The following FRMD3 variants were observed in gnomAD, a reference collection of about 807,000 sequenced individuals.
FRMD3 encodes the protein FERM domain-containing protein 3.
A neutral mutation model predicts 70.2 loss-of-function variants in FRMD3; 33 were observed. The ratio of observed to expected loss-of-function variants is 0.47; its 90% CI spans 0.36 to 0.63. The LOEUF is 0.63. Ranked by LOEUF, FRMD3 falls within the 20% of genes least tolerant of loss-of-function variation. The pLI is 0.00. For missense variants in FRMD3, 632 were observed against 711.4 expected, an observed-to-expected ratio of 0.89 and a Z score of 1.27; for synonymous variants, 279 against 255.9, an observed-to-expected ratio of 1.09 and a Z score of -0.86.
chr9:83,511,508 T>C (rs1328630870), intron 1 of FRMD3, among the ~76,000 whole-genome samples: 2 of 152,108 alleles, frequency 1.3e-5, no homozygotes, highest in African/African-American at 2.4e-5. Flanking sequence ...TTGCAAAATA[T>C]GATACCATAA....
At chr9:83,285,097 C>A (rs982681519) in intron 13 of FRMD3, among the ~76,000 whole-genome samples, 1 of 152,196 alleles carries the variant, frequency 6.6e-6, no homozygotes, top group African/African-American at 2.4e-5. Context: ...CACAGACTTT[C>A]TAGAATTTCA....
chr9:83,253,779 G>A (rs990755331), intron 13 of FRMD3, among the ~76,000 whole-genome samples: 20 of 152,222 alleles, frequency 1.3e-4, no homozygotes, highest in African/African-American at 4.8e-4. Context: ...ATACCCAAAG[G>A]ATTATAAATC....
At chr9:83,397,245 T>C (rs1825833368) in intron 1 of FRMD3, among the ~76,000 whole-genome samples, 1 of 152,220 alleles carries the variant, frequency 6.6e-6, no homozygotes, top group South Asian at 2.1e-4. Context: ...CCACCACATT[T>C]CCGCCTTCCC....
intron 1 of FRMD3, among the ~76,000 whole-genome samples, chr9:83,445,352 A>AGAT (rs1416835128): frequency 1.4e-4 from 21 of 148,670 alleles, no homozygotes; most frequent in African/African-American, 5.0e-4. Context: ...ATAGATAGAT[A>AGAT]GATAGATAGA....
At chr9:83,355,066 G>C in intron 3 of FRMD3, among the ~76,000 whole-genome samples, 1 of 152,154 alleles carries the variant, frequency 6.6e-6, no homozygotes. Flanking sequence ...AGCCTTCTCA[G>C]ATGCAACATG....
At chr9:83,315,144 G>A (rs530953015) in intron 6 of FRMD3, among the ~76,000 whole-genome samples, 1 of 152,046 alleles carries the variant, frequency 6.6e-6, no homozygotes, top group East Asian at 1.9e-4. Flanking sequence ...TCATGATCAT[G>A]AATTCCTCTT....
rs71498045 is a variant in FRMD3 at position 83,330,324 on chromosome 9, CA to C, written c.596+5191del. ...GGTTGCGGTGCGCAAAACTCCATCT[CA>C]AAAAAAAAAAAACAAAAAAAACAGA... On this transcript the variant is annotated intron_variant, in intron 6 of 13. Coordinates refer to ENST00000304195, the MANE Select transcript of FRMD3 (RefSeq NM_174938.6). Among the ~76,000 whole-genome samples the C allele has an allele frequency of 3.2e-4, 31 of 98,244 alleles. No homozygotes were observed. The East Asian group carries it at 3.7e-3, about 12-fold the overall frequency. The allele number at this position is 98,244 out of a possible 152,430, so 64.5% of individuals were successfully genotyped here.
chr9:83,328,473 A>G (rs957884809), intron 6 of FRMD3, among the ~76,000 whole-genome samples: 2 of 152,230 alleles, frequency 1.3e-5, no homozygotes, highest in African/African-American at 4.8e-5. Context: ...TTGGACTCCA[A>G]GGATCCCTTA....
intron 13 of FRMD3, among the ~76,000 whole-genome samples, chr9:83,259,433 G>A (rs922266258): frequency 7.2e-5 from 11 of 152,134 alleles, no homozygotes; most frequent in African/African-American, 1.2e-4. Context: ...ACCACCCTGC[G>A]TCTGTTGGGT....
chr9:83,552,391 A>G, the FRMD3 span, among the ~76,000 whole-genome samples: 16 of 152,178 alleles, frequency 1.1e-4, no homozygotes, highest in Admixed American at 3.9e-4. Flanking sequence ...TTTATGTCCA[A>G]TTATGTGGTC....
chr9:83,483,736 T>C (rs1236603174), intron 1 of FRMD3, among the ~76,000 whole-genome samples: 3 of 152,186 alleles, frequency 2.0e-5, no homozygotes, highest in African/African-American at 4.8e-5. Flanking sequence ...GGTATGCACC[T>C]GTAGTCCTAG....
chr9:83,544,754 A>C, the FRMD3 span, among the ~76,000 whole-genome samples: 1 of 152,190 alleles, frequency 6.6e-6, no homozygotes, highest in Non-Finnish European at 1.5e-5. Context: ...TTGAGAAAAC[A>C]ACCATACTAA....
At chr9:83,580,800 T>A in the FRMD3 span, among the ~76,000 whole-genome samples, 1 of 152,192 alleles carries the variant, frequency 6.6e-6, no homozygotes, top group Non-Finnish European at 1.5e-5. Context: ...AGGTGATGGT[T>A]ATGTTAACTA....
At chr9:83,459,009 G>A (rs1313313256) in intron 1 of FRMD3, among the ~76,000 whole-genome samples, 1 of 152,102 alleles carries the variant, frequency 6.6e-6, no homozygotes, top group Admixed American at 6.5e-5. Flanking sequence ...TGTTCATCAA[G>A]TTATTTTATT....
At chr9:83,423,921 G>T (rs759994110) in intron 1 of FRMD3, among the ~76,000 whole-genome samples, 18 of 152,084 alleles carry the variant, frequency 1.2e-4, no homozygotes, top group Non-Finnish European at 2.5e-4. Flanking sequence ...CAAGTTCCCA[G>T]CCACATATGG....
intron 1 of FRMD3, among the ~76,000 whole-genome samples, chr9:83,483,492 C>T (rs1252375247): frequency 6.6e-6 from 1 of 152,208 alleles, no homozygotes; most frequent in African/African-American, 2.4e-5. Flanking sequence ...CAGCTATCTA[C>T]ACCACTGATT....
At chr9:83,507,691 C>CATATATATATATATATATAT (rs34251863) in intron 1 of FRMD3, among the ~76,000 whole-genome samples, 1 of 49,238 alleles carries the variant, frequency 2.0e-5, no homozygotes, top group Non-Finnish European at 3.5e-5. Context: ...AATATACATA[C>CATATATATATATATATATAT]ATATATATAT....
Position 83,275,115 on chromosome 9 carries a change from T to C in FRMD3, c.1195+15488A>G, listed in dbSNP as rs1369883765. On this transcript the variant is annotated intron_variant, in intron 13 of 13. Coordinates refer to ENST00000304195, the MANE Select transcript of FRMD3 (RefSeq NM_174938.6). The stretch of plus-strand genomic sequence containing the variant: ...TTGATGCGTTAAATATGAGCTGTTA[T>C]GTGCCCTCCAGGTGGAGGTGTCCAA... Among the ~76,000 whole-genome samples the C allele has an allele frequency of 2.0e-5, 3 of 152,182 alleles. 1 individual carries two copies. The highest frequency in any genetic ancestry group is 2.0e-4 in the Admixed American group (3 of 15,288).
intron 13 of FRMD3, among the ~76,000 whole-genome samples, chr9:83,255,735 G>A (rs546997062): frequency 1.3e-4 from 20 of 151,888 alleles, no homozygotes; most frequent in Non-Finnish European, 2.6e-4. Context: ...CCAACAACAG[G>A]CAAGCAGAGA....
Sources: allele counts gnomAD v4.1 joint callset (sites outside exome capture counted in the v4.1 genomes callset), GRCh38; gene constraint gnomAD v4.1.1; transcripts MANE v1.5; gene names NCBI Gene and HGNC (gene_info 2026-07-23, HGNC 2026-07-21).